MTMR4: variants seen among roughly 807,000 people sequenced by gnomAD.
The protein encoded by MTMR4 is phosphatidylinositol-3,5-bisphosphate 3-phosphatase MTMR4.
MTMR4 carries 30 observed loss-of-function variants against 125.5 expected under a neutral mutation model. The observed-to-expected ratio is 0.24, with a 90% CI of 0.18 to 0.32. The LOEUF is 0.32. Ranked by LOEUF, MTMR4 falls within the 10% of genes least tolerant of loss-of-function variation. The probability of loss-of-function intolerance (pLI) is 1.00; values close to 1 mark genes in which losing one functional copy is unlikely to be tolerated. For synonymous variants in MTMR4, 498 were observed against 564.5 expected, an observed-to-expected ratio of 0.88 and a Z score of 1.67; for missense variants, 1,039 against 1,511.5, an observed-to-expected ratio of 0.69 and a Z score of 5.18.
intron 17 of MTMR4, among the ~76,000 whole-genome samples, 199 bp downstream of exon 17, chr17:58,492,312 C>T (rs1318423775): frequency 1.3e-5 from 2 of 152,208 alleles, no homozygotes; most frequent in African/African-American, 2.4e-5. Flanking sequence ...GCTGGGATTA[C>T]AGGCATGCGC....
upstream of MTMR4, among the ~76,000 whole-genome samples, chr17:58,516,833 C>T (rs1459939474): frequency 6.6e-6 from 1 of 152,186 alleles, no homozygotes; most frequent in Non-Finnish European, 1.5e-5. Context: ...ATGAAGTCAG[C>T]CACGAAGTTC....
At chr17:58,507,090 C>A (rs1403897597) in intron 8 of MTMR4, 33 bp downstream of exon 8, 3 of 1,613,018 alleles carry the variant, frequency 1.9e-6, no homozygotes, top group East Asian at 2.2e-5. Context: ...AGGGGGCCTG[C>A]TCCCTGGGGG....
Position 58,495,603 on chromosome 17 carries a change from G to C in MTMR4, c.2581C>G (p.Gln861Glu). 1.2e-6 allele frequency: 2 copies of C among 1,614,188 alleles called. No homozygotes were observed. The highest frequency in any genetic ancestry group is 1.7e-6 in the Non-Finnish European group (2 of 1,180,046). The change falls in exon 15 of 18, where the codon CAG becomes GAG. Residue 861 changes from glutamine to glutamate, a missense_variant. Physicochemically the swap from Gln to Glu is conservative, Grantham distance 29 (BLOSUM62 2). Transcript: ENST00000682306. ...TCCGGCACAGAACTCAGTTGTTCCT[G>C]GTGGGAGATACTTGCCACAGACCCT... The part of the protein sequence containing the change: ...PSGSVASISH[Q>E]EQLSSVPDLT...
rs777097830 is a variant in MTMR4, at chr17:58,495,266, A to G, written c.2918T>C (p.Val973Ala). Residue 973 changes from valine to alanine, a missense_variant, in exon 15 of 18, where the codon GTG (valine) becomes GCG (alanine). Physicochemically the swap from Val to Ala is moderately conservative, Grantham distance 64. Coordinates refer to ENST00000682306, the MANE Select transcript of MTMR4 (RefSeq NM_001378067.1). ...ATGACTAGAACAGACAGGTGACTTC[A>G]CACCTTCTCTCTGAGCCCACTGGCC... ...FGGQWAQREG[V>A]KSPVCSSHSN... is the part of the protein sequence containing the mutation. The G allele has an allele frequency of 6.2e-7, 1 of 1,614,120 alleles. No individual in the cohort carries two copies. Among genetic ancestry groups the G allele is most frequent in the Admixed American group, 1.7e-5 (1 of 60,024 alleles).
chr17:58,508,879 G>A lies in MTMR4; in HGVS notation c.336-38C>T. 1.3e-6 allele frequency: 2 copies of A among 1,597,624 alleles called. No individual in the cohort carries two copies. Among genetic ancestry groups the A allele is most frequent in the Admixed American group, 1.7e-5 (1 of 59,548 alleles). ...AAGCCACAGGCCTAGGTGAGGCAAA[G>A]TGCAGTTGTGCCATGGGGCTATCAG... is the stretch of plus-strand genomic sequence containing the variant. On this transcript the variant is annotated intron_variant, in intron 4 of 17. Coordinates refer to ENST00000682306, the MANE Select transcript of MTMR4 (RefSeq NM_001378067.1). The surrounding 1 kb of genome is among the most constrained non-coding windows in gnomAD (Gnocchi z 4.8).
chr17:58,507,295 G>T lies in MTMR4; in HGVS notation c.732C>A (p.Ile244=). ...TGATCTCTGGCTGGCTGCAGCGGGC[G>T]ATGGCAGCCCCATTGCGCAAGTGTC... ...VYRHLRNGAA[I]ARCSQPEISW... Residue 244 remains isoleucine, a synonymous_variant, in exon 8 of 18, where the codon ATC becomes ATA. Coordinates refer to ENST00000682306, the MANE Select transcript of MTMR4 (RefSeq NM_001378067.1). 2 of 1,613,678 alleles carry T rather than the reference G, an allele frequency of 1.2e-6. No homozygotes were observed. Among genetic ancestry groups the T allele is most frequent in the Non-Finnish European group, 1.7e-6 (2 of 1,179,982 alleles).
rs1319203015 is a variant in MTMR4, at chr17:58,507,198, G to C, written c.829C>G (p.Pro277Ala). The C allele has an allele frequency of 6.2e-7, 1 of 1,614,030 alleles. No homozygotes were observed. The highest frequency in any genetic ancestry group is 8.5e-7 in the Non-Finnish European group (1 of 1,180,042). The stretch of plus-strand genomic sequence containing the variant: ...GAGCCCCCAGTGGCCCTTGTCCCCG[G>C]GTCCAGGGCACAGGCTTTAGCAATG... The part of the protein sequence containing the change: ...TSIAKACALD[P>A]GTRATGGSLS... Residue 277 changes from proline to alanine, a missense_variant, in exon 8 of 18, where the codon CCG becomes GCG. This residue lies in a region of MTMR4 where 49 missense variants were observed against 68.4 expected (regional missense o/e 0.72). Transcript: ENST00000682306.
At position 58,504,800 on chromosome 17, in the gene MTMR4, G is replaced by A; in HGVS notation, c.1320C>T (p.Asp440=). The change falls in exon 11 of 18, where the codon GAC becomes GAT. Residue 440 remains aspartate (D), a synonymous_variant. Coordinates refer to ENST00000682306, the MANE Select transcript of MTMR4 (RefSeq NM_001378067.1). The surrounding 1 kb of genome is among the most constrained non-coding windows in gnomAD (Gnocchi z 7.1). ...QIVALAKILL[D]PYYRTLEGFQ... ...ATACCTCCAACGTCCTGTAATATGGGTCCAGTAATATTTTGGCCAGGGCTA... is the reference window on the plus strand; with the variant it reads ...ATACCTCCAACGTCCTGTAATATGGATCCAGTAATATTTTGGCCAGGGCTA... 1 of 1,609,164 alleles carries A rather than the reference G, an allele frequency of 6.2e-7. No homozygotes were observed. The highest frequency in any genetic ancestry group is 8.5e-7 in the Non-Finnish European group (1 of 1,177,560).
At chr17:58,499,442 G>A (rs1975560019) in intron 14 of MTMR4, among the ~76,000 whole-genome samples, 2 of 152,030 alleles carry the variant, frequency 1.3e-5, no homozygotes, top group South Asian at 4.1e-4. Flanking sequence ...AGTTACTCGG[G>A]AGGCTGAGGC....
upstream of MTMR4, among the ~76,000 whole-genome samples, chr17:58,518,084 G>C (rs980205954): frequency 6.6e-6 from 1 of 152,242 alleles, no homozygotes; most frequent in Non-Finnish European, 1.5e-5. Flanking sequence ...CTAAAGACGA[G>C]ACTATACCTG....
chr17:58,499,789 AT>A (rs368767094), intron 14 of MTMR4, among the ~76,000 whole-genome samples: 277 of 141,074 alleles, frequency 2.0e-3, no homozygotes, highest in Middle Eastern at 7.1e-3. Flanking sequence ...CGCCCGGCTA[AT>A]TTTTTTTTTT....
chr17:58,504,757 C>G lies in MTMR4; in HGVS notation c.1341+22G>C. ...CTCCTGCCACATTCCTTCTGGTTTTCCCACCGAATTCCTCTCAATACCTCC... is the reference window on the plus strand; with the variant it reads ...CTCCTGCCACATTCCTTCTGGTTTTGCCACCGAATTCCTCTCAATACCTCC... On this transcript the variant is annotated intron_variant, in intron 11 of 17. Coordinates refer to ENST00000682306, the MANE Select transcript of MTMR4 (RefSeq NM_001378067.1). This position sits in a 1 kb window ranked among gnomAD's most constrained non-coding sequence, Gnocchi z 7.1. The G allele has an allele frequency of 6.3e-7, 1 of 1,575,958 alleles. No homozygotes were observed. The highest frequency in any genetic ancestry group is 8.6e-7 in the Non-Finnish European group (1 of 1,157,030).
At chr17:58,509,182 C>T (rs902592876) in intron 4 of MTMR4, among the ~76,000 whole-genome samples, 9 of 151,962 alleles carry the variant, frequency 5.9e-5, no homozygotes, top group African/African-American at 2.2e-4. Flanking sequence ...TGTTATCTCC[C>T]ATGACTCCCT....
chr17:58,505,537 G>A lies in MTMR4; in HGVS notation c.1080C>T (p.Ile360=). The A allele has an allele frequency of 6.2e-7, 1 of 1,613,114 alleles. No homozygotes were observed. The highest frequency in any genetic ancestry group is 8.5e-7 in the Non-Finnish European group (1 of 1,179,384). Residue 360 remains isoleucine (I), a synonymous_variant, in exon 10 of 18, where the codon ATC becomes ATT. Transcript: ENST00000682306. ...CEVVFMGMAN[I]HAIRNSFQYL... ...ACTGAAAGCTGTTCCGGATGGCATG[G>A]ATGTTGGCCATTCCCATGAACACGA...
rs1598227746 is a variant in MTMR4 at position 58,512,252 on chromosome 17, C to T, written c.252+138G>A. 1 of 704,692 alleles carries T rather than the reference C, an allele frequency of 1.4e-6. No homozygotes were observed. The highest frequency in any genetic ancestry group is 2.5e-6 in the Non-Finnish European group (1 of 402,288). 43.7% of individuals were successfully genotyped at this position (704,692 alleles called of 1,614,324 possible). On this transcript the variant is annotated intron_variant, in intron 3 of 17. Transcript: ENST00000682306. The surrounding 1 kb of genome is among the most constrained non-coding windows in gnomAD (Gnocchi z 4.1). ...CCACCCGCCTCGGCCTCCCAAAGTG[C>T]TGGGATTACAGGCGTGAGCCACTGC...
At position 58,504,641 on chromosome 17, in the gene MTMR4, T is replaced by G. The variant is rs1210656307; in HGVS notation, c.1341+138A>C. 7.4e-7 allele frequency: 1 copy of G among 1,355,884 alleles called. No individual in the cohort carries two copies. Among genetic ancestry groups the G allele is most frequent in the Non-Finnish European group, 1.0e-6 (1 of 994,882 alleles). 84.0% of individuals were successfully genotyped at this position (1,355,884 alleles called of 1,614,324 possible). ...CTCAAAGCCACCAATTTTCCAAGCCTTTGGGAGTTGGAAAAAAAAAGAAAA... is the reference window on the plus strand; with the variant it reads ...CTCAAAGCCACCAATTTTCCAAGCCGTTGGGAGTTGGAAAAAAAAAGAAAA... On this transcript the variant is annotated intron_variant, in intron 11 of 17. Coordinates refer to ENST00000682306, the MANE Select transcript of MTMR4 (RefSeq NM_001378067.1). The surrounding 1 kb of genome is among the most constrained non-coding windows in gnomAD (Gnocchi z 7.1).
rs1348187515 is a variant in MTMR4 at position 58,489,951 on chromosome 17, A to G, written c.*1712T>C. 2.0e-5 allele frequency: 3 copies of G among 152,692 alleles called. No individual in the cohort carries two copies. The highest frequency in any genetic ancestry group is 4.4e-5 in the Non-Finnish European group (3 of 68,058). The allele number at this position is 152,692 out of a possible 1,614,324, so 9.5% of individuals were successfully genotyped here. A position where few individuals can be genotyped will look rare whatever the true frequency, so the allele number is the denominator to read the frequency against. ...CAAGGAACAGCTTGTTACTTTTTCA[A>G]TGATCTCAGGAATTTTGCAGACACA... On this transcript the variant is annotated 3_prime_UTR_variant, in exon 18 of 18. Coordinates refer to ENST00000682306, the MANE Select transcript of MTMR4 (RefSeq NM_001378067.1).
Position 58,496,087 on chromosome 17 carries a change from G to A in MTMR4, c.2097C>T (p.Asp699=). ...TCTTGAAAGGTTTATTGCTCAAGTA[G>A]TCTTTCTGGCTGCTGGGCAGAGGAG... The part of the protein sequence containing the change: ...LPPPLPSSQK[D]YLSNKPFKSH... Residue 699 remains aspartate, a synonymous_variant, in exon 15 of 18, where the codon GAC becomes GAT. Coordinates refer to ENST00000682306, the MANE Select transcript of MTMR4 (RefSeq NM_001378067.1). 1 of 1,614,180 alleles carries A rather than the reference G, an allele frequency of 6.2e-7. No individual in the cohort carries two copies. Among genetic ancestry groups the A allele is most frequent in the East Asian group, 2.2e-5 (1 of 44,890 alleles).
Position 58,508,138 on chromosome 17 carries a change from A to T in MTMR4, c.707+23T>A, listed in dbSNP as rs756840305. On this transcript the variant is annotated intron_variant, in intron 7 of 17. Transcript: ENST00000682306. This position sits in a 1 kb window ranked among gnomAD's most constrained non-coding sequence, Gnocchi z 4.8. ...TTGTTGCATAAGAAATGGCCTCCCT[A>T]CTTCCCAGCCCCACTGCCTCACCTA... 2.5e-6 allele frequency: 4 copies of T among 1,584,088 alleles called. No homozygotes were observed. The African/African-American group carries it at 4.0e-5, about 16-fold the overall frequency.
Sources: allele counts gnomAD v4.1 joint callset (sites outside exome capture counted in the v4.1 genomes callset), GRCh38; gene constraint gnomAD v4.1.1; regional missense constraint gnomAD v4.1.1; non-coding constraint Gnocchi (gnomAD v3.1); transcripts MANE v1.5; gene names NCBI Gene and HGNC (gene_info 2026-07-23, HGNC 2026-07-21).